The following FBXO4 variants were observed in gnomAD, a reference collection of about 807,000 sequenced individuals.
FBXO4 encodes the protein F-box only protein 4.
A neutral mutation model predicts 43.7 loss-of-function variants in FBXO4; 36 were observed. That is an observed-to-expected ratio of 0.82 (90% CI 0.63 to 1.09). The LOEUF (loss-of-function observed/expected upper bound fraction) is 1.09, where lower values mean the gene tolerates loss of function less well. Ranked by LOEUF, FBXO4 falls within the 50% of genes least tolerant of loss-of-function variation. The pLI, the probability that FBXO4 is intolerant of heterozygous loss-of-function variation, is 0.00. For missense variants in FBXO4, 435 were observed against 474.1 expected, an observed-to-expected ratio of 0.92 and a Z score of 0.77; for synonymous variants, 180 against 165.6, an observed-to-expected ratio of 1.09 and a Z score of -0.67.
At chr5:42,018,719 A>G in the FBXO4 span, among the ~76,000 whole-genome samples, 1 of 152,144 alleles carries the variant, frequency 6.6e-6, no homozygotes, top group African/African-American at 2.4e-5. Flanking sequence ...TTTCCCCCAA[A>G]AGCATTGAGT....
the FBXO4 span, among the ~76,000 whole-genome samples, chr5:42,033,189 G>A: frequency 1.3e-5 from 2 of 152,104 alleles, 1 homozygote; most frequent in South Asian, 4.1e-4. Flanking sequence ...GGTTGGGGGA[G>A]GGGTGATGTC....
the FBXO4 span, among the ~76,000 whole-genome samples, chr5:42,020,099 A>C: frequency 6.6e-6 from 1 of 152,174 alleles, no homozygotes; most frequent in Non-Finnish European, 1.5e-5. Context: ...AATAGTGGGA[A>C]GAGAATGCAC....
At chr5:42,012,304 C>G in the FBXO4 span, among the ~76,000 whole-genome samples, 1 of 152,036 alleles carries the variant, frequency 6.6e-6, no homozygotes, top group Non-Finnish European at 1.5e-5. Context: ...GAGAAAATCT[C>G]CAAACCTATA....
chr5:41,987,941 G>A, the FBXO4 span, among the ~76,000 whole-genome samples: 1 of 151,916 alleles, frequency 6.6e-6, no homozygotes, highest in Admixed American at 6.6e-5. Flanking sequence ...TAAATTCCTG[G>A]TTTGATAATG....
chr5:42,032,765 C>T, the FBXO4 span, among the ~76,000 whole-genome samples: 1 of 152,080 alleles, frequency 6.6e-6, no homozygotes, highest in Non-Finnish European at 1.5e-5. Flanking sequence ...GAAAAAGTCC[C>T]CTTTTACTTT....
At chr5:42,019,114 A>G in the FBXO4 span, among the ~76,000 whole-genome samples, 1 of 152,184 alleles carries the variant, frequency 6.6e-6, no homozygotes, top group Non-Finnish European at 1.5e-5. Context: ...GTTAAGTTTA[A>G]TAACCTAAGT....
the FBXO4 span, among the ~76,000 whole-genome samples, chr5:42,031,171 T>C: frequency 1.3e-5 from 2 of 151,792 alleles, no homozygotes; most frequent in African/African-American, 2.4e-5. Flanking sequence ...ATGTTTATAG[T>C]GGCACTATTC....
the FBXO4 span, among the ~76,000 whole-genome samples, chr5:41,997,876 C>T: frequency 1.3e-5 from 2 of 152,112 alleles, no homozygotes; most frequent in Non-Finnish European, 1.5e-5. Flanking sequence ...CTCAAGGGGA[C>T]CCAGCCTCCC....
At chr5:42,040,189 C>G in the FBXO4 span, among the ~76,000 whole-genome samples, 1 of 152,020 alleles carries the variant, frequency 6.6e-6, no homozygotes, top group South Asian at 2.1e-4. Flanking sequence ...CTCTCTGTCC[C>G]TTTTCGCCAC....
chr5:41,997,958 G>A, the FBXO4 span, among the ~76,000 whole-genome samples: 6 of 152,126 alleles, frequency 3.9e-5, no homozygotes, highest in African/African-American at 1.4e-4. Flanking sequence ...ATGATTCTTT[G>A]TTTTTATAAT....
chr5:42,029,600 A>G, the FBXO4 span, among the ~76,000 whole-genome samples: 4 of 151,880 alleles, frequency 2.6e-5, no homozygotes, highest in African/African-American at 9.7e-5. Flanking sequence ...AGGCTATTTT[A>G]TAGATTCTGT....
At chr5:41,993,618 G>GATATATATATATATATATATAT in the FBXO4 span, among the ~76,000 whole-genome samples, 1,589 of 136,018 alleles carry the variant, frequency 0.012, 19 homozygotes, top group Non-Finnish European at 0.017. Flanking sequence ...GAACTAATAG[G>GATATATATATATATATATATAT]ATATATATAT....
chr5:42,002,754 G>A, the FBXO4 span, among the ~76,000 whole-genome samples: 4 of 151,856 alleles, frequency 2.6e-5, no homozygotes, highest in African/African-American at 7.3e-5. Flanking sequence ...TTGCCTTCAC[G>A]TGTACTCCAA....
At chr5:41,943,243 C>T (rs908331374), downstream of FBXO4, among the ~76,000 whole-genome samples, 1 of 152,092 alleles carries the variant, frequency 6.6e-6, no homozygotes, top group Non-Finnish European at 1.5e-5. Flanking sequence ...ATTTCCTGGA[C>T]TCTAGTGTGG....
the FBXO4 span, among the ~76,000 whole-genome samples, chr5:41,972,094 T>A: frequency 6.6e-6 from 1 of 151,992 alleles, no homozygotes; most frequent in Non-Finnish European, 1.5e-5. Flanking sequence ...GCCAGAGCAA[T>A]CAGTCAAGAG....
chr5:41,934,548 T>C, intron 5 of FBXO4: 9 of 1,364,328 alleles, frequency 6.6e-6, no homozygotes, highest in Non-Finnish European at 7.6e-6. Context: ...TTCCTAGATT[T>C]GGGTTGTGTG....
the FBXO4 span, among the ~76,000 whole-genome samples, chr5:42,017,716 A>G: frequency 6.9e-4 from 105 of 151,850 alleles, no homozygotes; most frequent in African/African-American, 2.4e-3. Context: ...TCCTGCATCA[A>G]TTCACTTAGG....
the FBXO4 span, among the ~76,000 whole-genome samples, chr5:42,037,999 C>A: frequency 6.6e-6 from 1 of 152,068 alleles, no homozygotes; most frequent in African/African-American, 2.4e-5. Context: ...AGCAGTTGGT[C>A]CTATGACAGA....
At chr5:42,035,626 A>G in the FBXO4 span, among the ~76,000 whole-genome samples, 1 of 152,108 alleles carries the variant, frequency 6.6e-6, no homozygotes, top group African/African-American at 2.4e-5. Flanking sequence ...CCTGCCAGAT[A>G]CTCAAGTTTG....
Sources: allele counts gnomAD v4.1 joint callset (sites outside exome capture counted in the v4.1 genomes callset), GRCh38; gene constraint gnomAD v4.1.1; transcripts MANE v1.5; gene names NCBI Gene and HGNC (gene_info 2026-07-23, HGNC 2026-07-21).